NRXN1: variants seen among roughly 807,000 people sequenced by gnomAD.
The protein encoded by NRXN1 is neurexin 1.
Under a neutral mutation model 150.9 loss-of-function variants are expected in NRXN1, and 39 were observed. The ratio of observed to expected loss-of-function variants is 0.26; its 90% CI spans 0.20 to 0.34. The LOEUF (loss-of-function observed/expected upper bound fraction) is 0.34, where lower values mean the gene tolerates loss of function less well. NRXN1 is among the 10% of genes least tolerant of loss of function. The pLI is 1.00. For missense variants in NRXN1, 1,815 were observed against 1,949.9 expected (o/e 0.93, Z 1.30); for synonymous variants, 924 against 757.0 (o/e 1.22, Z -3.62).
intron 15 of NRXN1, 27 bp downstream of exon 15, chr2:50,495,878 C>A (rs143606277): frequency 6.5e-7 from 1 of 1,549,648 alleles, no homozygotes; most frequent in African/African-American, 1.4e-5. Flanking sequence ...GTGCAAGGCT[C>A]GTTGCTCTGA....
At chr2:50,999,593 A>G (rs1031430297) in intron 2 of NRXN1, among the ~76,000 whole-genome samples, 1 of 151,768 alleles carries the variant, frequency 6.6e-6, no homozygotes, top group African/African-American at 2.4e-5. Flanking sequence ...CTGTCCCTTT[A>G]TTTCTCAGAC....
intron 5 of NRXN1, among the ~76,000 whole-genome samples, chr2:50,639,930 A>T (rs1387417896): frequency 6.6e-6 from 1 of 152,148 alleles, no homozygotes; most frequent in Non-Finnish European, 1.5e-5. Flanking sequence ...TTTTATTTTG[A>T]TAGAATTCCC....
chr2:51,003,636 C>T (rs1700337774), intron 2 of NRXN1, among the ~76,000 whole-genome samples: 1 of 151,902 alleles, frequency 6.6e-6, no homozygotes, highest in African/African-American at 2.4e-5. Flanking sequence ...ACTAGATGCA[C>T]TACATGTATG....
intron 10 of NRXN1, 44 bp downstream of exon 10, chr2:50,538,209 C>G (rs1399348027): frequency 6.4e-7 from 1 of 1,572,732 alleles, no homozygotes; most frequent in African/African-American, 1.4e-5. Context: ...ATTTAATAAA[C>G]TTTTCATCTC....
intron 17 of NRXN1, among the ~76,000 whole-genome samples, chr2:50,241,843 A>G (rs1187103776): frequency 1.3e-5 from 2 of 151,698 alleles, no homozygotes; most frequent in South Asian, 2.1e-4. Flanking sequence ...CCTCACGTCA[A>G]TTCTGCAAAG....
chr2:50,249,383 C>A (rs1175792843), intron 17 of NRXN1, among the ~76,000 whole-genome samples: 1 of 151,814 alleles, frequency 6.6e-6, no homozygotes, highest in Non-Finnish European at 1.5e-5. Flanking sequence ...GGCATTTTGA[C>A]ACAAACAAAC....
intron 21 of NRXN1, among the ~76,000 whole-genome samples, chr2:50,020,961 C>G (rs1228092758): frequency 1.3e-5 from 2 of 152,116 alleles, no homozygotes; most frequent in Non-Finnish European, 2.9e-5. Flanking sequence ...AAGAATTTTT[C>G]TCATGCCAAG....
intron 18 of NRXN1, among the ~76,000 whole-genome samples, chr2:50,129,453 A>C (rs1705138613): frequency 6.6e-6 from 1 of 152,214 alleles, no homozygotes; most frequent in South Asian, 2.1e-4. Flanking sequence ...ATTGTAGAAA[A>C]TTAAATGTGA....
chr2:50,809,227 G>A (rs558680505), intron 5 of NRXN1, among the ~76,000 whole-genome samples: 3 of 152,162 alleles, frequency 2.0e-5, no homozygotes, highest in South Asian at 4.1e-4. Context: ...AGTCCTCAAA[G>A]GAAACTTAAG....
At chr2:50,566,451 C>T (rs563555965) in intron 8 of NRXN1, among the ~76,000 whole-genome samples, 102 of 137,944 alleles carry the variant, frequency 7.4e-4, no homozygotes, top group Admixed American at 1.5e-3. Flanking sequence ...TACAGGGTTT[C>T]GCTATGTTGG....
chr2:50,370,702 G>C (rs955418462), intron 17 of NRXN1, among the ~76,000 whole-genome samples: 1 of 151,962 alleles, frequency 6.6e-6, no homozygotes, highest in East Asian at 1.9e-4. Flanking sequence ...GGTGGAAGAG[G>C]AACAGAAAAA....
chr2:50,682,992 T>C (rs1370099759), intron 5 of NRXN1, among the ~76,000 whole-genome samples: 3 of 152,014 alleles, frequency 2.0e-5, no homozygotes, highest in Admixed American at 1.3e-4. Flanking sequence ...TAACTACACA[T>C]ATACTTGTTC....
At chr2:50,909,644 T>C (rs1459345522) in intron 5 of NRXN1, among the ~76,000 whole-genome samples, 2 of 151,958 alleles carry the variant, frequency 1.3e-5, no homozygotes, top group Non-Finnish European at 2.9e-5. Flanking sequence ...AAGCTTAATT[T>C]TCTCTTGAAT....
chr2:50,466,764 G>C (rs185186580), intron 16 of NRXN1, among the ~76,000 whole-genome samples: 219 of 151,728 alleles, frequency 1.4e-3, no homozygotes, highest in African/African-American at 5.0e-3. Flanking sequence ...AAATTAAAAG[G>C]GCCTTTGTAT....
chr2:49,973,863 T>G (rs1678418673), intron 21 of NRXN1: 1 of 614,252 alleles, frequency 1.6e-6, no homozygotes, highest in Non-Finnish European at 3.0e-6. Context: ...CCAAATGAGT[T>G]TATTCTTATT....
chr2:50,625,091 G>C (rs1348416148), intron 5 of NRXN1: 1 of 151,822 alleles, frequency 6.6e-6, no homozygotes, highest in Admixed American at 6.6e-5. Context: ...TCACTATTAT[G>C]CCCCCGAGAG....
intron 5 of NRXN1, among the ~76,000 whole-genome samples, chr2:50,854,837 TG>T (rs1383239765): frequency 1.3e-5 from 2 of 152,030 alleles, no homozygotes; most frequent in African/African-American, 4.8e-5. Flanking sequence ...TACTTTTATG[TG>T]GTTTCTCAAC....
At chr2:50,592,101 T>C (rs1674363510) in intron 8 of NRXN1, among the ~76,000 whole-genome samples, 1 of 152,174 alleles carries the variant, frequency 6.6e-6, no homozygotes, top group Non-Finnish European at 1.5e-5. Flanking sequence ...GCTTCACTCT[T>C]TGCATGCGGC....
rs1686484798 is a variant in NRXN1, at chr2:50,656,488, C to T, written c.833-32873G>A. ...TTTTTGCTCTGTTTAAACATTCACA[C>T]CAACTGAGGTCTGGGGGTGAAAGGG... On this transcript the variant is annotated intron_variant, in intron 5 of 22. Coordinates refer to ENST00000401669, the MANE Select transcript of NRXN1 (RefSeq NM_001330078.2). 20 of 693,128 alleles carry T rather than the reference C, an allele frequency of 2.9e-5. 1 individual carries two copies. The South Asian group carries it at 3.2e-4, about 11-fold the overall frequency. 42.9% of individuals were successfully genotyped at this position (693,128 alleles called of 1,614,324 possible).
Sources: allele counts gnomAD v4.1 joint callset (sites outside exome capture counted in the v4.1 genomes callset), GRCh38; gene constraint gnomAD v4.1.1; transcripts MANE v1.5; gene names NCBI Gene and HGNC (gene_info 2026-07-23, HGNC 2026-07-21).